The following C16orf87 variants were observed in gnomAD, a reference collection of about 807,000 sequenced individuals.
The protein encoded by C16orf87 is UPF0547 protein C16orf87.
A neutral mutation model predicts 21.0 loss-of-function variants in C16orf87; 13 were observed. The observed-to-expected ratio is 0.62, with a 90% CI of 0.40 to 0.98. The LOEUF is 0.98. C16orf87 is among the 50% of genes least tolerant of loss of function. The pLI is 0.00. For synonymous variants in C16orf87, 49 were observed against 60.2 expected (o/e 0.81, Z 0.86); for missense variants, 113 against 180.4 (o/e 0.63, Z 2.14).
chr16:46,830,260 G>C (rs1018658265), intron 1 of C16orf87, among the ~76,000 whole-genome samples: 107 of 132,084 alleles, frequency 8.1e-4, no homozygotes, highest in African/African-American at 2.2e-3. Context: ...GAGATAGAGA[G>C]AGACAGACAG....
chr16:46,812,911 TC>T (rs1436638268), intron 2 of C16orf87, among the ~76,000 whole-genome samples: 7 of 152,154 alleles, frequency 4.6e-5, no homozygotes, highest in African/African-American at 1.4e-4. Context: ...ACTACTACTT[TC>T]CTTGAAATTA....
rs1959531345 is a variant in C16orf87, at chr16:46,824,318, A to C, written c.163+68T>G. The C allele has an allele frequency of 1.8e-5, 14 of 757,800 alleles. No homozygotes were observed. In the South Asian group the frequency reaches 2.0e-4, roughly 11 times the overall value. The allele number at this position is 757,800 out of a possible 1,614,324, so 46.9% of individuals were successfully genotyped here. The stretch of plus-strand genomic sequence containing the variant: ...TAACTTCAACAAAAAATGTAAATAG[A>C]AACTTCACAAAAATTAACTTTACAT... On this transcript the variant is annotated intron_variant, in intron 2 of 3. Transcript: ENST00000285697.
intron 1 of C16orf87, among the ~76,000 whole-genome samples, chr16:46,829,338 T>G (rs1212584799): frequency 6.6e-6 from 1 of 152,206 alleles, no homozygotes; most frequent in Non-Finnish European, 1.5e-5. Context: ...AAAATGAATG[T>G]GATCTTTCCA....
Position 46,807,320 on chromosome 16 carries a change from G to A in C16orf87, c.346+2283C>T, listed in dbSNP as rs12931171. ...GCCTGGTGTGGTGGCATGCACCTGA[G>A]GCAGGAGGATCGCTTGAGCCCAGGA... On this transcript the variant is annotated intron_variant, in intron 3 of 3. Coordinates refer to ENST00000285697, the MANE Select transcript of C16orf87 (RefSeq NM_001001436.4). Among the ~76,000 whole-genome samples, 11 of 152,148 alleles carry A rather than the reference G, an allele frequency of 7.2e-5. No homozygotes were observed. In the East Asian group the frequency reaches 1.5e-3, roughly 21 times the overall value.
At chr16:46,806,248 T>C (rs1170160787) in intron 3 of C16orf87, among the ~76,000 whole-genome samples, 2 of 151,676 alleles carry the variant, frequency 1.3e-5, no homozygotes, top group Non-Finnish European at 2.9e-5. Context: ...GCTTGAAGTC[T>C]ACATTCATTT....
At chr16:46,824,556 C>A (rs1959544867) in intron 1 of C16orf87, 74 bp from the exon 2 acceptor site, 1 of 579,744 alleles carries the variant, frequency 1.7e-6, no homozygotes, top group Non-Finnish European at 2.9e-6. Flanking sequence ...TATGTGGTCT[C>A]CTCAAATGAA....
At chr16:46,808,729 T>A (rs908654870) in intron 3 of C16orf87, among the ~76,000 whole-genome samples, 1 of 152,166 alleles carries the variant, frequency 6.6e-6, no homozygotes, top group African/African-American at 2.4e-5. Flanking sequence ...TGTAAGTTTT[T>A]AAAAAGATGC....
chr16:46,798,572 A>C lies in C16orf87; in HGVS notation c.*4380T>G, dbSNP rs1967682162. On this transcript the variant is annotated 3_prime_UTR_variant, in exon 4 of 4. Coordinates refer to ENST00000285697, the MANE Select transcript of C16orf87 (RefSeq NM_001001436.4). ...AGACCAGCCTGGCCAACATGGTAAA[A>C]ACCTATCTCTACTAAAAATTCAAAA... is the stretch of plus-strand genomic sequence containing the variant. 6.6e-6 allele frequency: 1 copy of C among 151,894 alleles called. No homozygotes were observed. The highest frequency in any genetic ancestry group is 2.4e-5 in the African/African-American group (1 of 41,318). 9.4% of individuals were successfully genotyped at this position (151,894 alleles called of 1,614,324 possible).
chr16:46,825,934 A>AG (rs948193816), intron 1 of C16orf87, among the ~76,000 whole-genome samples: 6 of 151,070 alleles, frequency 4.0e-5, no homozygotes, highest in Non-Finnish European at 5.9e-5. Context: ...AAAAAAAAAA[A>AG]TTATTATTAA....
intron 2 of C16orf87, among the ~76,000 whole-genome samples, chr16:46,814,326 A>G (rs1223030103): frequency 6.6e-6 from 1 of 152,214 alleles, no homozygotes; most frequent in Non-Finnish European, 1.5e-5. Context: ...GATCATCAAA[A>G]TAACTAGAGA....
chr16:46,820,302 G>GT (rs1307539644), intron 2 of C16orf87, among the ~76,000 whole-genome samples: 2 of 152,006 alleles, frequency 1.3e-5, no homozygotes, highest in Non-Finnish European at 2.9e-5. Flanking sequence ...TTTAATTATA[G>GT]TTTTTTTAAA....
chr16:46,818,021 GCTTC>G (rs1220323950), intron 2 of C16orf87, among the ~76,000 whole-genome samples: 5 of 150,918 alleles, frequency 3.3e-5, no homozygotes, highest in South Asian at 2.1e-4. Flanking sequence ...AAGGGAAGAT[GCTTC>G]CTTTTCTTTT....
At position 46,809,768 on chromosome 16, in the gene C16orf87, T is replaced by C; in HGVS notation, c.181A>G (p.Lys61Glu). 6.2e-7 allele frequency: 1 copy of C among 1,606,730 alleles called. No individual in the cohort carries two copies. The highest frequency in any genetic ancestry group is 1.7e-4 in the Middle Eastern group (1 of 6,038). Residue 61 changes from lysine (K) to glutamate (E), a missense_variant, in exon 3 of 4, where the codon AAG becomes GAG. Lys to Glu is a moderately conservative substitution (Grantham distance 56). Coordinates refer to ENST00000285697, the MANE Select transcript of C16orf87 (RefSeq NM_001001436.4). ...CTAACTCTCTCTGTTCGCCTCCTCT[T>C]GGCCTCATGCTTGTTTTCTGTATGG... ...PPSTENKHEA[K>E]RRRTERVRRE...
chr16:46,827,524 T>TA (rs1381805582), intron 1 of C16orf87, among the ~76,000 whole-genome samples: 2 of 152,108 alleles, frequency 1.3e-5, no homozygotes, highest in East Asian at 1.9e-4. Flanking sequence ...TTCACTTTTT[T>TA]AAAAAAAGAT....
chr16:46,829,833 T>A (rs539990484), intron 1 of C16orf87, among the ~76,000 whole-genome samples: 1 of 150,730 alleles, frequency 6.6e-6, no homozygotes, highest in African/African-American at 2.4e-5. Context: ...TGTTTTCTGT[T>A]AAAAGATTTG....
intron 1 of C16orf87, among the ~76,000 whole-genome samples, chr16:46,830,172 T>C (rs146631010): frequency 6.2e-4 from 94 of 152,116 alleles, no homozygotes; most frequent in African/African-American, 2.1e-3. Context: ...TGAGATGTTT[T>C]AAATTACAAC....
In C16orf87 at chr16:46,797,813, A is replaced by T. The variant is rs372651513; in HGVS notation, c.*5139T>A. 7 of 152,342 alleles carry T rather than the reference A, an allele frequency of 4.6e-5. No homozygotes were observed. In the East Asian group the frequency reaches 1.3e-3, roughly 29 times the overall value. 9.4% of individuals were successfully genotyped at this position (152,342 alleles called of 1,614,324 possible). On this transcript the variant is annotated 3_prime_UTR_variant, in exon 4 of 4. Transcript: ENST00000285697. Reference sequence around the variant, plus strand: ...GTAATCCCTAGAGCAAATACTGCAAAACTATTCAAAGAACTATAATTTTAA... The same window carrying T: ...GTAATCCCTAGAGCAAATACTGCAATACTATTCAAAGAACTATAATTTTAA...
chr16:46,811,062 G>A (rs935027290), intron 2 of C16orf87, among the ~76,000 whole-genome samples: 3 of 152,140 alleles, frequency 2.0e-5, no homozygotes, highest in Admixed American at 6.5e-5. Flanking sequence ...TGCTACTCAC[G>A]GGGTAACCAA....
Position 46,808,963 on chromosome 16 carries a change from T to C in C16orf87, c.346+640A>G, listed in dbSNP as rs549358658. Among the ~76,000 whole-genome samples the C allele has an allele frequency of 6.5e-5, 9 of 138,636 alleles. No homozygotes were observed. In the East Asian group the frequency reaches 1.5e-3, roughly 23 times the overall value. The allele number at this position is 138,636 out of a possible 152,430, so 91.0% of individuals were successfully genotyped here. On this transcript the variant is annotated intron_variant, in intron 3 of 3. Coordinates refer to ENST00000285697, the MANE Select transcript of C16orf87 (RefSeq NM_001001436.4). ...ACTTTCAATAGTAAAATTTTAAAAC[T>C]CACAGTATAATAGTTTGAAGTAGTC...
Sources: allele counts gnomAD v4.1 joint callset (sites outside exome capture counted in the v4.1 genomes callset), GRCh38; gene constraint gnomAD v4.1.1; transcripts MANE v1.5; gene names NCBI Gene and HGNC (gene_info 2026-07-23, HGNC 2026-07-21).